PLEKHA2: variants seen among roughly 807,000 people sequenced by gnomAD.
PLEKHA2 encodes pleckstrin homology domain containing A2.
In PLEKHA2, 28 loss-of-function variants were observed where a neutral mutation model predicts 53.2. The observed-to-expected ratio is 0.53, with a 90% CI of 0.39 to 0.72. The LOEUF (loss-of-function observed/expected upper bound fraction) is 0.72, where lower values mean the gene tolerates loss of function less well. Ranked by LOEUF, PLEKHA2 falls within the 30% of genes least tolerant of loss-of-function variation. The pLI is 0.00. For missense variants in PLEKHA2, 426 were observed against 537.9 expected (o/e 0.79, Z 2.06); for synonymous variants, 193 against 196.4 (o/e 0.98, Z 0.14).
intron 1 of PLEKHA2, among the ~76,000 whole-genome samples, chr8:38,907,278 A>G (rs1833891487): frequency 6.6e-6 from 1 of 152,182 alleles, no homozygotes; most frequent in Non-Finnish European, 1.5e-5. Context: ...TTTGTACTTC[A>G]GCCAATACCA....
At chr8:38,930,643 CCACGGCATGGCATGGCATGG>C (rs1351620369) in intron 2 of PLEKHA2, among the ~76,000 whole-genome samples, 2 of 121,644 alleles carry the variant, frequency 1.6e-5, no homozygotes, top group Non-Finnish European at 3.6e-5. Context: ...GCACGGCACC[CCACGGCATGGCATGGCATGG>C]CACGGCATGG....
intron 10 of PLEKHA2, among the ~76,000 whole-genome samples, chr8:38,965,475 T>C (rs1182342336): frequency 2.0e-5 from 3 of 152,174 alleles, no homozygotes; most frequent in Non-Finnish European, 4.4e-5. Context: ...ATGTCAGATC[T>C]CCTATGTGAC....
At chr8:38,930,496 G>T (rs114643336) in intron 2 of PLEKHA2, among the ~76,000 whole-genome samples, 1 of 152,162 alleles carries the variant, frequency 6.6e-6, no homozygotes, top group Non-Finnish European at 1.5e-5. Context: ...GAGCCACCAC[G>T]CTCAGCCTAA....
At chr8:38,916,125 G>A (rs745706607) in intron 1 of PLEKHA2, among the ~76,000 whole-genome samples, 9 of 152,082 alleles carry the variant, frequency 5.9e-5, no homozygotes, top group African/African-American at 1.4e-4. Flanking sequence ...ACAGGCATGC[G>A]CCACCACGAC....
chr8:38,942,854 C>A (rs1834636661), intron 3 of PLEKHA2, among the ~76,000 whole-genome samples: 1 of 152,164 alleles, frequency 6.6e-6, no homozygotes, highest in Non-Finnish European at 1.5e-5. Context: ...ATAGAAATAC[C>A]TCCTCTGTTT....
Position 38,918,561 on chromosome 8 carries a change from T to TCA in PLEKHA2, c.141+491_141+492insCA, listed in dbSNP as rs1564109969. Among the ~76,000 whole-genome samples the TCA allele has an allele frequency of 7.2e-3, 22 of 3,042 alleles. 1 individual carries two copies. The highest frequency in any genetic ancestry group is 0.02 in the South Asian group (2 of 98). 2.0% of individuals were successfully genotyped at this position (3,042 alleles called of 152,430 possible). A position where few individuals can be genotyped will look rare whatever the true frequency, so the allele number is the denominator to read the frequency against. ...CCCATATACACACACCACACACACATTATACACACACATGCACACACATGC... is the reference window on the plus strand; with the variant it reads ...CCCATATACACACACCACACACACATCATATACACACACATGCACACACATGC... On this transcript the variant is annotated intron_variant, in intron 2 of 11. Coordinates refer to ENST00000617275, the MANE Select transcript of PLEKHA2 (RefSeq NM_021623.2).
intron 10 of PLEKHA2, among the ~76,000 whole-genome samples, chr8:38,962,042 G>A (rs564271726): frequency 2.0e-5 from 3 of 152,168 alleles, no homozygotes; most frequent in Admixed American, 1.3e-4. Flanking sequence ...AATCTCAGCC[G>A]TCTCTGAAAT....
In PLEKHA2 at chr8:38,957,177, A is replaced by G. The variant is rs896790253; in HGVS notation, c.774-146A>G. 1.8e-4 allele frequency: 107 copies of G among 584,826 alleles called. No homozygotes were observed. In the Middle Eastern group the frequency reaches 1.9e-3, roughly 10 times the overall value. 36.2% of individuals were successfully genotyped at this position (584,826 alleles called of 1,614,324 possible). A position where few individuals can be genotyped will look rare whatever the true frequency, so the allele number is the denominator to read the frequency against. On this transcript the variant is annotated intron_variant, in intron 9 of 11. Transcript: ENST00000617275. ...GAGGAAACCCCTGGAGTGTTTTTCA[A>G]GGCAGGAGCTGAAGGAAGAATGGCT...
At chr8:38,943,364 TA>T (rs1353742411) in intron 3 of PLEKHA2, among the ~76,000 whole-genome samples, 1 of 151,810 alleles carries the variant, frequency 6.6e-6, no homozygotes, top group Non-Finnish European at 1.5e-5. Flanking sequence ...TAGGGGCATT[TA>T]AAAAAAATTA....
chr8:38,925,682 G>A (rs572856346), intron 2 of PLEKHA2, among the ~76,000 whole-genome samples: 1 of 152,204 alleles, frequency 6.6e-6, no homozygotes, highest in Admixed American at 6.5e-5. Context: ...CATTGATGGG[G>A]TGAAGAGCGT....
chr8:38,942,592 T>C (rs1834632380), intron 3 of PLEKHA2, among the ~76,000 whole-genome samples: 1 of 152,214 alleles, frequency 6.6e-6, no homozygotes, highest in South Asian at 2.1e-4. Flanking sequence ...ATCATGTGAA[T>C]AGTCCCCGGC....
chr8:38,962,101 T>TA (rs767588920), intron 10 of PLEKHA2, among the ~76,000 whole-genome samples: 30 of 152,308 alleles, frequency 2.0e-4, no homozygotes, highest in Non-Finnish European at 3.4e-4. Context: ...GGTAAATTAT[T>TA]TGTGCAGGAT....
Position 38,953,303 on chromosome 8 carries a change from G to C in PLEKHA2, c.709G>C (p.Glu237Gln). 1 of 1,612,738 alleles carries C rather than the reference G, an allele frequency of 6.2e-7. No individual in the cohort carries two copies. Among genetic ancestry groups the C allele is most frequent in the Non-Finnish European group, 8.5e-7 (1 of 1,178,746 alleles). Residue 237 changes from glutamate to glutamine, a missense_variant, in exon 9 of 12, where the codon GAA becomes CAA. Coordinates refer to ENST00000617275, the MANE Select transcript of PLEKHA2 (RefSeq NM_021623.2). ...TTTCTGTTCTTTCCACCAGGACCGA[G>C]AACCACTGCGCACCATATTTCTTAA... is the stretch of plus-strand genomic sequence containing the variant. ...ICYFKCEQDR[E>Q]PLRTIFLKDV...
intron 5 of PLEKHA2, among the ~76,000 whole-genome samples, chr8:38,949,060 G>A (rs1265816074): frequency 6.6e-6 from 1 of 151,970 alleles, no homozygotes; most frequent in Admixed American, 6.6e-5. Context: ...TAGTAGAGAC[G>A]GAATTTCACT....
rs1401847698 is a variant in PLEKHA2 at position 38,918,043 on chromosome 8, C to T, written c.114C>T (p.Cys38=). 2 of 1,613,330 alleles carry T rather than the reference C, an allele frequency of 1.2e-6. No homozygotes were observed. Among genetic ancestry groups the T allele is most frequent in the Non-Finnish European group, 1.7e-6 (2 of 1,179,588 alleles). The stretch of plus-strand genomic sequence containing the variant: ...TCATTCTGGACACCCAGGCTAACTG[C>T]CTCCTCTGGTATATGGACAACCCCC... ...RYFILDTQAN[C]LLWYMDNPQN... is the part of the protein sequence containing the mutation. The change falls in exon 2 of 12, where the codon TGC becomes TGT. Residue 38 remains cysteine, a synonymous_variant. Transcript: ENST00000617275.
At position 38,942,418 on chromosome 8, in the gene PLEKHA2, G is replaced by A. The variant is rs549932165; in HGVS notation, c.199-1371G>A. Among the ~76,000 whole-genome samples the A allele has an allele frequency of 7.2e-5, 11 of 152,070 alleles. No homozygotes were observed. In the South Asian group the frequency reaches 2.3e-3, roughly 32 times the overall value. ...ATGGGGTCTCATTCTGGGCTCAAGTGATCCTCCAGCTTCCTGTCTCAAAGA... is the reference window on the plus strand; with the variant it reads ...ATGGGGTCTCATTCTGGGCTCAAGTAATCCTCCAGCTTCCTGTCTCAAAGA... On this transcript the variant is annotated intron_variant, in intron 3 of 11. Coordinates refer to ENST00000617275, the MANE Select transcript of PLEKHA2 (RefSeq NM_021623.2).
intron 2 of PLEKHA2, among the ~76,000 whole-genome samples, chr8:38,923,729 C>T (rs1834234077): frequency 6.6e-6 from 1 of 151,972 alleles, no homozygotes; most frequent in African/African-American, 2.4e-5. Flanking sequence ...AGCTGGGGGC[C>T]CCCCTTCATA....
rs1835200996 is a variant in PLEKHA2, at chr8:38,969,450, G to T, written c.945G>T (p.Leu315Phe). Residue 315 changes from leucine (L) to phenylalanine (F), a missense_variant, in exon 12 of 12, where the codon TTG (leucine) becomes TTT (phenylalanine). Coordinates refer to ENST00000617275, the MANE Select transcript of PLEKHA2 (RefSeq NM_021623.2). ...RETSFSRSIS[L>F]TRPGSSSLSS... ...CGTCCTTTTCTAGATCCATTTCTTT[G>T]ACCCGACCTGGAAGCTCCAGCCTTT... 6.2e-7 allele frequency: 1 copy of T among 1,613,176 alleles called. No individual in the cohort carries two copies. Among genetic ancestry groups the T allele is most frequent in the South Asian group, 1.1e-5 (1 of 90,978 alleles).
intron 1 of PLEKHA2, among the ~76,000 whole-genome samples, chr8:38,914,766 A>G (rs1475967633): frequency 2.0e-5 from 3 of 152,294 alleles, no homozygotes; most frequent in Admixed American, 6.5e-5. Flanking sequence ...AGCAGGATAG[A>G]GCTCTCGCCC....
Sources: gnomAD v4.1 joint callset for allele counts (sites outside exome capture counted in the v4.1 genomes callset) on GRCh38, gnomAD v4.1.1 for gene constraint, MANE v1.5 for transcripts, NCBI Gene and HGNC (gene_info 2026-07-23, HGNC 2026-07-21) for gene names.